ATG7: variants seen among roughly 807,000 people sequenced by gnomAD.
The protein encoded by ATG7 is autophagy related 7.
A neutral mutation model predicts 82.4 loss-of-function variants in ATG7; 70 were observed. The ratio of observed to expected loss-of-function variants is 0.85; its 90% CI spans 0.70 to 1.04. ATG7 has a LOEUF of 1.04. Among genes scored for constraint, ATG7 ranks in the 50% least tolerant of loss-of-function variants. The pLI is 0.00. For missense variants in ATG7, 792 were observed against 864.3 expected (o/e 0.92, Z 1.05); for synonymous variants, 287 against 313.0 (o/e 0.92, Z 0.88).
At chr3:11,282,698 C>T (rs1015496780) in intron 3 of ATG7, among the ~76,000 whole-genome samples, 3 of 152,238 alleles carry the variant, frequency 2.0e-5, no homozygotes, top group Admixed American at 6.5e-5. Flanking sequence ...ACTCTTTCTT[C>T]TAAGTTTAGA....
At position 11,556,218 on chromosome 3, in the gene ATG7, G is replaced by C. The variant is rs1413242758; in HGVS notation, c.*1375G>C. 14 of 152,696 alleles carry C rather than the reference G, an allele frequency of 9.2e-5. No individual in the cohort carries two copies. The highest frequency in any genetic ancestry group is 3.1e-4 in the African/African-American group (13 of 41,538). 9.5% of individuals were successfully genotyped at this position (152,696 alleles called of 1,614,324 possible). A position where few individuals can be genotyped will look rare whatever the true frequency, so the allele number is the denominator to read the frequency against. On this transcript the variant is annotated 3_prime_UTR_variant, in exon 21 of 21. Coordinates refer to ENST00000693202, the MANE Select transcript of ATG7 (RefSeq NM_001349232.2). ...TTACACACATGAAGAGAAGGTCAGA[G>C]CGCACTGCAGGCAGCGCGGCTCTGG...
chr3:11,454,655 G>C (rs752157297), intron 20 of ATG7, among the ~76,000 whole-genome samples: 3 of 152,146 alleles, frequency 2.0e-5, no homozygotes, highest in African/African-American at 7.2e-5. Flanking sequence ...AGTAAATAAA[G>C]GTTGAGATTT....
chr3:11,533,168 C>G (rs1404137797), intron 20 of ATG7, among the ~76,000 whole-genome samples: 1 of 152,096 alleles, frequency 6.6e-6, no homozygotes, highest in African/African-American at 2.4e-5. Flanking sequence ...GCTTGGGAGG[C>G]CCCTTTGGCT....
chr3:11,333,206 A>G (rs1951898322), intron 11 of ATG7, 113 bp downstream of exon 11: 11 of 1,347,166 alleles, frequency 8.2e-6, no homozygotes, highest in Non-Finnish European at 1.1e-5. Context: ...GAAAAGTACA[A>G]CTTGTACCTC....
intron 20 of ATG7, among the ~76,000 whole-genome samples, chr3:11,499,154 T>C (rs1365489410): frequency 6.6e-6 from 1 of 152,240 alleles, no homozygotes; most frequent in African/African-American, 2.4e-5. Flanking sequence ...ATAATCATTT[T>C]ATTCTGAAAT....
intron 7 of ATG7, 100 bp downstream of exon 7, chr3:11,309,161 C>A: frequency 8.9e-7 from 1 of 1,126,508 alleles, no homozygotes; most frequent in Non-Finnish European, 1.3e-6. Flanking sequence ...GAAGCTACTA[C>A]CTTCTGTTAC....
intron 20 of ATG7, among the ~76,000 whole-genome samples, chr3:11,545,939 G>C (rs2071243642): frequency 6.7e-6 from 1 of 150,104 alleles, no homozygotes; most frequent in Non-Finnish European, 1.5e-5. Flanking sequence ...AGGAGTTTAA[G>C]ACCAGCCTGG....
chr3:11,540,877 T>TC (rs1379510001), intron 20 of ATG7, among the ~76,000 whole-genome samples: 4 of 140,456 alleles, frequency 2.8e-5, no homozygotes, highest in Non-Finnish European at 6.1e-5. Flanking sequence ...TCTTTTTTTT[T>TC]CCTAAAAAAT....
intron 3 of ATG7, among the ~76,000 whole-genome samples, chr3:11,283,832 C>T (rs981736068): frequency 3.3e-5 from 5 of 152,000 alleles, no homozygotes; most frequent in African/African-American, 1.2e-4. Flanking sequence ...TGTGGGAGGC[C>T]AAGGCAGGAG....
downstream of ATG7, chr3:11,557,930 T>TA (rs774897542): frequency 3.1e-4 from 48 of 153,784 alleles, 1 homozygote; most frequent in East Asian, 4.2e-3. Flanking sequence ...TTGTCTACAT[T>TA]AAAAAAAACA....
In ATG7 at chr3:11,360,754, C is replaced by T. The variant is rs2076232730; in HGVS notation, c.1653C>T (p.Tyr551=). ...ANIPGYKLGC[Y]FCNDVVAPGD... ...TCCCTGGTTACAAGCTTGGCTGCTA[C>T]TTCTGCAATGATGTGGTGGCCCCAG... Residue 551 remains tyrosine, a synonymous_variant, in exon 16 of 21, where the codon TAC becomes TAT. Coordinates refer to ENST00000693202, the MANE Select transcript of ATG7 (RefSeq NM_001349232.2). 1 of 1,614,184 alleles carries T rather than the reference C, an allele frequency of 6.2e-7. No individual in the cohort carries two copies. Among genetic ancestry groups the T allele is most frequent in the Non-Finnish European group, 8.5e-7 (1 of 1,180,016 alleles).
chr3:11,554,632 A>G (rs945825571), intron 20 of ATG7, among the ~76,000 whole-genome samples, 179 bp from the exon 21 acceptor site: 3 of 152,154 alleles, frequency 2.0e-5, no homozygotes, highest in East Asian at 3.9e-4. Flanking sequence ...CACACTAGTG[A>G]CGCCTTGGCA....
chr3:11,358,379 C>T (rs941532612), intron 14 of ATG7, 39 bp from the exon 15 acceptor site: 14 of 1,579,688 alleles, frequency 8.9e-6, no homozygotes, highest in Non-Finnish European at 1.2e-5. Flanking sequence ...TTACCTATAC[C>T]ATTGCTCCAG....
intron 17 of ATG7, chr3:11,363,174 G>C (rs553614409): frequency 3.5e-5 from 15 of 427,608 alleles, no homozygotes; most frequent in South Asian, 3.5e-4. Context: ...TTTTTCCAAC[G>C]CTTATATAGG....
At chr3:11,359,876 T>C (rs899907674) in intron 15 of ATG7, among the ~76,000 whole-genome samples, 2 of 146,550 alleles carry the variant, frequency 1.4e-5, no homozygotes, top group African/African-American at 2.5e-5. Context: ...TATGTGAACA[T>C]GACAGTATAG....
intron 19 of ATG7, among the ~76,000 whole-genome samples, chr3:11,384,839 T>C (rs2152857272): frequency 6.6e-6 from 1 of 152,020 alleles, no homozygotes; most frequent in South Asian, 2.1e-4. Context: ...CCTATGCCTG[T>C]AGTCCCAGCT....
chr3:11,406,446 C>T (rs1292999011), intron 19 of ATG7, among the ~76,000 whole-genome samples: 3 of 152,064 alleles, frequency 2.0e-5, no homozygotes, highest in African/African-American at 7.2e-5. Context: ...ACTGAGATTA[C>T]AAGCACCTGC....
chr3:11,401,482 C>T (rs1297138332), intron 19 of ATG7, among the ~76,000 whole-genome samples: 1 of 152,142 alleles, frequency 6.6e-6, no homozygotes, highest in Non-Finnish European at 1.5e-5. Context: ...TAACAGCAGA[C>T]ACAATTTTAT....
rs889262610 is a variant in ATG7 at position 11,362,860 on chromosome 3, A to G, written c.1731A>G (p.Pro577=). 44 of 1,614,002 alleles carry G rather than the reference A, an allele frequency of 2.7e-5. No homozygotes were observed. Among genetic ancestry groups the G allele is most frequent in the Non-Finnish European group, 3.5e-5 (41 of 1,179,998 alleles). The change falls in exon 17 of 21, where the codon CCA becomes CCG. Residue 577 remains proline, a synonymous_variant. Transcript: ENST00000693202. ...TLDQQCTVSR[P]GLAVIAGALA... The stretch of plus-strand genomic sequence containing the variant: ...ACCAGCAGTGCACTGTGAGTCGTCC[A>G]GGACTGGCCGTGATTGCAGGAGCCC...
Sources: allele counts gnomAD v4.1 joint callset (sites outside exome capture counted in the v4.1 genomes callset), GRCh38; gene constraint gnomAD v4.1.1; transcripts MANE v1.5; gene names NCBI Gene and HGNC (gene_info 2026-07-23, HGNC 2026-07-21).